CADPS2: variants seen among roughly 807,000 people sequenced by gnomAD.
The protein encoded by CADPS2 is calcium-dependent secretion activator 2.
CADPS2 carries 93 observed loss-of-function variants against 172.5 expected under a neutral mutation model. That is an observed-to-expected ratio of 0.54 (90% confidence interval 0.46 to 0.64). The LOEUF (loss-of-function observed/expected upper bound fraction) is 0.64, where lower values mean the gene tolerates loss of function less well. CADPS2 is among the 30% of genes least tolerant of loss of function. CADPS2 has a pLI of 0.00. For missense variants in CADPS2, 1,420 were observed against 1,565.9 expected (o/e 0.91, Z 1.57); for synonymous variants, 546 against 555.2 (o/e 0.98, Z 0.23).
intron 27 of CADPS2, among the ~76,000 whole-genome samples, chr7:122,360,115 T>G (rs2039937077): frequency 6.6e-6 from 1 of 152,202 alleles, no homozygotes; most frequent in Non-Finnish European, 1.5e-5. Context: ...AATAAATGAT[T>G]AAACAGAACA....
chr7:122,756,862 T>G (rs1562945738), intron 1 of CADPS2, among the ~76,000 whole-genome samples: 1 of 150,820 alleles, frequency 6.6e-6, no homozygotes, highest in Non-Finnish European at 1.5e-5. Context: ...ATTGCGCCAC[T>G]GCACTCCAGC....
chr7:122,347,281 T>C (rs1271565478), intron 27 of CADPS2, among the ~76,000 whole-genome samples: 1 of 152,172 alleles, frequency 6.6e-6, no homozygotes, highest in East Asian at 1.9e-4. Flanking sequence ...AAGAGAGTTC[T>C]TGCCATTTTT....
At chr7:122,629,376 T>C (rs1413696555) in intron 3 of CADPS2, 48 bp from the exon 4 acceptor site, 4 of 1,441,910 alleles carry the variant, frequency 2.8e-6, no homozygotes, top group Non-Finnish European at 3.8e-6. Context: ...TTAATCTATA[T>C]ACAGTGACCC....
chr7:122,801,403 A>G (rs571202262), intron 1 of CADPS2, among the ~76,000 whole-genome samples: 3 of 152,338 alleles, frequency 2.0e-5, no homozygotes, highest in Non-Finnish European at 2.9e-5. Flanking sequence ...CCATGTGATC[A>G]TATCAGTAAG....
chr7:122,495,737 C>T (rs1478423962), intron 9 of CADPS2, among the ~76,000 whole-genome samples: 2 of 152,120 alleles, frequency 1.3e-5, no homozygotes, highest in South Asian at 2.1e-4. Flanking sequence ...TAGCTGCTTT[C>T]CAATTTGTAC....
chr7:122,538,968 AG>A (rs1437416665), intron 8 of CADPS2, among the ~76,000 whole-genome samples: 1 of 152,166 alleles, frequency 6.6e-6, no homozygotes, highest in African/African-American at 2.4e-5. Context: ...CAATGAATGT[AG>A]GTCTTAAATA....
chr7:122,641,532 G>A (rs1266471282), intron 3 of CADPS2, among the ~76,000 whole-genome samples: 4 of 152,094 alleles, frequency 2.6e-5, no homozygotes, highest in African/African-American at 9.7e-5. Context: ...TCAAAAGGGT[G>A]ATTAATTGAA....
At chr7:122,853,885 G>T (rs1186161046) in intron 1 of CADPS2, among the ~76,000 whole-genome samples, 1 of 152,142 alleles carries the variant, frequency 6.6e-6, no homozygotes, top group Non-Finnish European at 1.5e-5. Flanking sequence ...TCAGCGCTTT[G>T]CAAGCATTCT....
chr7:122,669,737 T>A (rs2081589894), intron 2 of CADPS2, among the ~76,000 whole-genome samples: 2 of 152,016 alleles, frequency 1.3e-5, no homozygotes, highest in African/African-American at 4.8e-5. Context: ...CTGAAGGCCA[T>A]CACGAAGCCT....
intron 2 of CADPS2, chr7:122,697,823 G>A (rs138083165): frequency 1.8e-5 from 29 of 1,598,666 alleles, no homozygotes; most frequent in African/African-American, 9.4e-5. Flanking sequence ...ACTACTGAAT[G>A]AGGCTGGATG....
At chr7:122,676,098 G>C (rs907773218) in intron 2 of CADPS2, among the ~76,000 whole-genome samples, 22 of 152,312 alleles carry the variant, frequency 1.4e-4, no homozygotes, top group African/African-American at 5.1e-4. Flanking sequence ...GTAAGGGGGT[G>C]GGGAGGAGAG....
intron 1 of CADPS2, among the ~76,000 whole-genome samples, chr7:122,776,920 G>T (rs2093901444): frequency 6.6e-6 from 1 of 152,154 alleles, no homozygotes. Context: ...GGAGACAGAG[G>T]CAGGACGATT....
At chr7:122,737,107 G>A (rs1744727049) in intron 1 of CADPS2, 39 bp from the exon 2 acceptor site, 1 of 1,063,044 alleles carries the variant, frequency 9.4e-7, no homozygotes, top group Non-Finnish European at 1.4e-6. Flanking sequence ...AAATTGGCCA[G>A]TACATGAAAA....
intron 20 of CADPS2, among the ~76,000 whole-genome samples, chr7:122,393,816 A>C (rs1199042735): frequency 6.6e-6 from 1 of 152,156 alleles, no homozygotes; most frequent in East Asian, 1.9e-4. Context: ...TATCTCTCTA[A>C]AATTCTCCTG....
At chr7:122,684,228 T>C (rs1207293770) in intron 2 of CADPS2, among the ~76,000 whole-genome samples, 1 of 152,126 alleles carries the variant, frequency 6.6e-6, no homozygotes, top group Non-Finnish European at 1.5e-5. Context: ...TCATTATATG[T>C]CGTTTCACTT....
At chr7:122,402,136 T>C (rs945581297) in intron 20 of CADPS2, among the ~76,000 whole-genome samples, 6 of 152,192 alleles carry the variant, frequency 3.9e-5, no homozygotes, top group East Asian at 1.9e-4. Flanking sequence ...GTTCCTAACA[T>C]ACATGCTGAG....
chr7:122,834,936 G>A (rs953128287), intron 1 of CADPS2, among the ~76,000 whole-genome samples: 2 of 152,212 alleles, frequency 1.3e-5, no homozygotes, highest in Admixed American at 6.5e-5. Context: ...GAAGTGAGTA[G>A]TGTTTCTCCC....
intron 3 of CADPS2, among the ~76,000 whole-genome samples, chr7:122,648,166 C>T (rs1335414254): frequency 6.6e-6 from 1 of 152,076 alleles, no homozygotes; most frequent in African/African-American, 2.4e-5. Context: ...CCTGATGCCT[C>T]ACTCTCTAGT....
chr7:122,811,510 C>T (rs1800015024), intron 1 of CADPS2, among the ~76,000 whole-genome samples: 2 of 151,920 alleles, frequency 1.3e-5, no homozygotes, highest in African/African-American at 4.8e-5. Flanking sequence ...CATATTATGC[C>T]ATTTATTTTT....
Sources: gnomAD v4.1 joint callset for allele counts (sites outside exome capture counted in the v4.1 genomes callset) on GRCh38, gnomAD v4.1.1 for gene constraint, MANE v1.5 for transcripts, NCBI Gene and HGNC (gene_info 2026-07-23, HGNC 2026-07-21) for gene names.